The following NXPH1 variants were observed in gnomAD, a reference collection of about 807,000 sequenced individuals.
The protein encoded by NXPH1 is neurexophilin-1.
In NXPH1, 5 loss-of-function variants were observed where a neutral mutation model predicts 23.7. That is an observed-to-expected ratio of 0.21 (90% CI 0.11 to 0.44). NXPH1 has a LOEUF of 0.44. Ranked by LOEUF, NXPH1 falls within the 20% of genes least tolerant of loss-of-function variation. The probability of loss-of-function intolerance (pLI) is 0.99; values close to 1 mark genes in which losing one functional copy is unlikely to be tolerated. For synonymous variants in NXPH1, 144 were observed against 122.2 expected (o/e 1.18, Z -1.18); for missense variants, 324 against 321.6 (o/e 1.01, Z -0.06).
chr7:8,456,271 G>A lies in NXPH1; in HGVS notation c.54+20504G>A, dbSNP rs547969236. On this transcript the variant is annotated intron_variant, in intron 2 of 2. Coordinates refer to ENST00000405863, the MANE Select transcript of NXPH1 (RefSeq NM_152745.3). ...ACACTATGTTTTTAAGGGAGGTAGA[G>A]TTCTGGTTTGTCTTGGTAGTAGCTG... Among the ~76,000 whole-genome samples the A allele has an allele frequency of 2.6e-5, 4 of 152,316 alleles. No homozygotes were observed. In the South Asian group the frequency reaches 6.2e-4, roughly 24 times the overall value.
chr7:8,710,723 C>T (rs1044455665), intron 2 of NXPH1, among the ~76,000 whole-genome samples: 22 of 106,230 alleles, frequency 2.1e-4, no homozygotes, highest in Admixed American at 1.9e-4. Flanking sequence ...ACTGCAGTGG[C>T]GCAATCTCGG....
intron 2 of NXPH1, among the ~76,000 whole-genome samples, chr7:8,438,108 T>C (rs1337531923): frequency 6.6e-6 from 1 of 152,246 alleles, no homozygotes; most frequent in Admixed American, 6.5e-5. Context: ...AGCTGACTTC[T>C]ACCATGGAAA....
intron 2 of NXPH1, among the ~76,000 whole-genome samples, chr7:8,476,647 T>C (rs1816978050): frequency 1.3e-5 from 2 of 152,114 alleles, no homozygotes; most frequent in Admixed American, 1.3e-4. Flanking sequence ...CTATACATTA[T>C]TTATTTTTTC....
Position 8,752,473 on chromosome 7 carries a change from T to A in NXPH1, c.*704T>A, listed in dbSNP as rs1026131437. Reference sequence around the variant, plus strand: ...TTTGGAATTTACATGTGGGCAGACATTGGGATAACAACTTTCATCACCAAT... The same window carrying A: ...TTTGGAATTTACATGTGGGCAGACAATGGGATAACAACTTTCATCACCAAT... On this transcript the variant is annotated 3_prime_UTR_variant, in exon 3 of 3. Transcript: ENST00000405863. The A allele has an allele frequency of 6.6e-6, 1 of 152,554 alleles. No individual in the cohort carries two copies. Among genetic ancestry groups the A allele is most frequent in the African/African-American group, 2.4e-5 (1 of 41,438 alleles). The allele number at this position is 152,554 out of a possible 1,614,324, so 9.5% of individuals were successfully genotyped here.
rs1817675110 is a variant in NXPH1 at position 8,515,597 on chromosome 7, GC to G, written c.54+79831del. On this transcript the variant is annotated intron_variant, in intron 2 of 2. Transcript: ENST00000405863. ...GTATATATTGCACCAAAAGTAGTTT[GC>G]TTTAAGAATAGATTAATAACACAAC... Among the ~76,000 whole-genome samples the G allele has an allele frequency of 3.3e-5, 5 of 152,006 alleles. No homozygotes were observed. The South Asian group carries it at 1.0e-3, about 32-fold the overall frequency.
At chr7:8,466,561 TC>T (rs1389209347) in intron 2 of NXPH1, among the ~76,000 whole-genome samples, 1 of 152,176 alleles carries the variant, frequency 6.6e-6, no homozygotes, top group Non-Finnish European at 1.5e-5. Context: ...TTCTTTAGCC[TC>T]ACACCTAGAT....
chr7:8,586,294 A>G (rs1818979562), intron 2 of NXPH1, among the ~76,000 whole-genome samples: 1 of 152,132 alleles, frequency 6.6e-6, no homozygotes, highest in African/African-American at 2.4e-5. Flanking sequence ...TTGTGGAGGG[A>G]GGTTGTATAA....
chr7:8,732,351 C>T (rs1349207117), intron 2 of NXPH1, among the ~76,000 whole-genome samples: 4 of 152,254 alleles, frequency 2.6e-5, no homozygotes, highest in African/African-American at 9.6e-5. Flanking sequence ...CCCATTCGGC[C>T]ATCTTGGCTC....
At chr7:8,459,325 T>C (rs1480238613) in intron 2 of NXPH1, among the ~76,000 whole-genome samples, 1 of 152,152 alleles carries the variant, frequency 6.6e-6, no homozygotes, top group Non-Finnish European at 1.5e-5. Flanking sequence ...GCAAACACCC[T>C]TCACAAAAGT....
chr7:8,616,782 C>T (rs1043098719), intron 2 of NXPH1, among the ~76,000 whole-genome samples: 1 of 148,772 alleles, frequency 6.7e-6, no homozygotes, highest in Non-Finnish European at 1.5e-5. Flanking sequence ...AGATTTTCCC[C>T]TAAAAACAAA....
intron 2 of NXPH1, among the ~76,000 whole-genome samples, chr7:8,721,467 C>G (rs1779968644): frequency 6.6e-6 from 1 of 152,172 alleles, no homozygotes; most frequent in Non-Finnish European, 1.5e-5. Context: ...ACCAAGATTA[C>G]TTAAAGAAAG....
chr7:8,680,927 A>G (rs1385085548), intron 2 of NXPH1, among the ~76,000 whole-genome samples: 1 of 152,240 alleles, frequency 6.6e-6, no homozygotes, highest in Non-Finnish European at 1.5e-5. Context: ...GGTATCAGCA[A>G]CCTTCTGAAT....
intron 2 of NXPH1, among the ~76,000 whole-genome samples, chr7:8,725,924 A>G (rs1780045402): frequency 6.6e-6 from 1 of 152,176 alleles, no homozygotes; most frequent in Non-Finnish European, 1.5e-5. Flanking sequence ...GAATCAATCT[A>G]AGGTCTAAAT....
At chr7:8,486,031 T>C (rs1354526190) in intron 2 of NXPH1, among the ~76,000 whole-genome samples, 1 of 152,112 alleles carries the variant, frequency 6.6e-6, no homozygotes, top group Non-Finnish European at 1.5e-5. Flanking sequence ...CTAGAAAGAG[T>C]TACTCTTGGG....
At chr7:8,473,787 T>C (rs1816914471) in intron 2 of NXPH1, among the ~76,000 whole-genome samples, 1 of 151,868 alleles carries the variant, frequency 6.6e-6, no homozygotes, top group Non-Finnish European at 1.5e-5. Context: ...AGACCAGCAA[T>C]GATAGACCTT....
At chr7:8,732,252 A>G (rs952755241) in intron 2 of NXPH1, among the ~76,000 whole-genome samples, 26 of 152,282 alleles carry the variant, frequency 1.7e-4, no homozygotes, top group African/African-American at 6.0e-4. Context: ...GGCACTCCCT[A>G]GTGAGATGAA....
chr7:8,675,609 T>C (rs1228751743), intron 2 of NXPH1, among the ~76,000 whole-genome samples: 1 of 152,168 alleles, frequency 6.6e-6, no homozygotes, highest in African/African-American at 2.4e-5. Context: ...GCAGCATTCA[T>C]AGACAACTTC....
At chr7:8,460,495 C>G (rs1232284602) in intron 2 of NXPH1, among the ~76,000 whole-genome samples, 1 of 152,188 alleles carries the variant, frequency 6.6e-6, no homozygotes, top group Non-Finnish European at 1.5e-5. Context: ...GCATGGCACT[C>G]TCCTTAGGAT....
chr7:8,675,808 G>A (rs1316519128), intron 2 of NXPH1, among the ~76,000 whole-genome samples: 1 of 152,114 alleles, frequency 6.6e-6, no homozygotes, highest in African/African-American at 2.4e-5. Flanking sequence ...GGACAAATAT[G>A]GGTCTCTTTC....
Sources: allele counts gnomAD v4.1 joint callset (sites outside exome capture counted in the v4.1 genomes callset), GRCh38; gene constraint gnomAD v4.1.1; transcripts MANE v1.5; gene names NCBI Gene and HGNC (gene_info 2026-07-23, HGNC 2026-07-21).